The following DAGLA variants were observed in gnomAD, a reference collection of about 807,000 sequenced individuals.
DAGLA encodes the protein diacylglycerol lipase alpha.
In DAGLA, 22 loss-of-function variants were observed where a neutral mutation model predicts 102.6. The observed-to-expected ratio is 0.21, with a 90% CI of 0.15 to 0.31. The LOEUF is 0.31. Among genes scored for constraint, DAGLA ranks in the 10% least tolerant of loss-of-function variants. The pLI is 1.00. For synonymous variants in DAGLA, 578 were observed against 628.9 expected, an observed-to-expected ratio of 0.92 and a Z score of 1.21; for missense variants, 927 against 1,446.6, an observed-to-expected ratio of 0.64 and a Z score of 5.83.
intron 1 of DAGLA, among the ~76,000 whole-genome samples, chr11:61,704,825 G>C (rs779323786): frequency 6.6e-6 from 1 of 152,140 alleles, no homozygotes; most frequent in Admixed American, 6.5e-5. Flanking sequence ...GCTCCTCTGC[G>C]TAGTCCTATT....
intron 1 of DAGLA, among the ~76,000 whole-genome samples, chr11:61,700,087 G>A (rs1379864383): frequency 6.6e-6 from 1 of 152,182 alleles, no homozygotes; most frequent in Non-Finnish European, 1.5e-5. Context: ...GCAGTGCCTG[G>A]GCCTGGCATG....
intron 10 of DAGLA, 137 bp downstream of exon 10, chr11:61,735,139 C>A: frequency 2.0e-6 from 2 of 1,021,642 alleles, no homozygotes; most frequent in South Asian, 1.5e-5. Context: ...GCATCCCTAG[C>A]TGGGCAGACC....
At chr11:61,728,365 A>C in intron 7 of DAGLA, 78 bp downstream of exon 7, 1 of 1,559,342 alleles carries the variant, frequency 6.4e-7, no homozygotes, top group South Asian at 1.1e-5. Context: ...TGGCCCCTGC[A>C]GCGGAGGGCT....
chr11:61,724,048 G>C (rs1221527340), intron 5 of DAGLA, among the ~76,000 whole-genome samples: 1 of 152,172 alleles, frequency 6.6e-6, no homozygotes, highest in Non-Finnish European at 1.5e-5. Context: ...GTAAGGCTGG[G>C]AACTAGCCCA....
At chr11:61,725,308 A>C (rs1455405797) in intron 5 of DAGLA, among the ~76,000 whole-genome samples, 1 of 152,170 alleles carries the variant, frequency 6.6e-6, no homozygotes, top group Non-Finnish European at 1.5e-5. Context: ...AGACTCCTGG[A>C]GACCCTGATT....
chr11:61,720,060 C>G, intron 1 of DAGLA, 52 bp from the exon 2 acceptor site: 1 of 1,292,302 alleles, frequency 7.7e-7, no homozygotes, highest in Non-Finnish European at 1.1e-6. Flanking sequence ...TGCAGTGGCC[C>G]TGGGTGCCTT....
intron 4 of DAGLA, 116 bp downstream of exon 4, chr11:61,723,076 C>T: frequency 1.1e-6 from 1 of 871,914 alleles, no homozygotes; most frequent in Non-Finnish European, 1.8e-6. Flanking sequence ...TCTGTGGGGG[C>T]ACCAGCAGGT....
intron 1 of DAGLA, among the ~76,000 whole-genome samples, chr11:61,713,800 G>A (rs976861847): frequency 2.6e-5 from 4 of 152,258 alleles, no homozygotes; most frequent in East Asian, 1.9e-4. Flanking sequence ...GCTGAGTCCC[G>A]CAGATCAGAT....
chr11:61,722,999 CG>C, intron 4 of DAGLA, 39 bp downstream of exon 4: 4 of 1,506,454 alleles, frequency 2.7e-6, no homozygotes, highest in South Asian at 1.1e-5. Flanking sequence ...TCAGCAGCCC[CG>C]GGGGCACAGG....
At chr11:61,687,960 C>T (rs1389551347) in intron 1 of DAGLA, among the ~76,000 whole-genome samples, 1 of 152,130 alleles carries the variant, frequency 6.6e-6, no homozygotes, top group Non-Finnish European at 1.5e-5. Flanking sequence ...TGTCCTGTCT[C>T]CCTCACTGTT....
Position 61,722,900 on chromosome 11 carries a change from G to T in DAGLA, c.349G>T (p.Val117Phe), listed in dbSNP as rs187678839. The stretch of plus-strand genomic sequence containing the variant: ...GTTCATCTACGCCATCGTGGGCATC[G>T]TCTGGCTCACTCAGTACTACACCTC... Reference protein sequence around the residue: ...IEFIYAIVGIVWLTQYYTSCN... With the variant: ...IEFIYAIVGIFWLTQYYTSCN... Residue 117 changes from valine to phenylalanine, a missense_variant, in exon 4 of 20, where the codon GTC (valine) becomes TTC (phenylalanine). Val to Phe is a conservative substitution (Grantham distance 50). Transcript: ENST00000257215. 2 of 1,614,008 alleles carry T rather than the reference G, an allele frequency of 1.2e-6. No individual in the cohort carries two copies.
rs767125718 is a variant in DAGLA at position 61,740,455 on chromosome 11, C to T, written c.1854-8C>T. The T allele has an allele frequency of 7.2e-5, 116 of 1,613,034 alleles. No individual in the cohort carries two copies. Among genetic ancestry groups the T allele is most frequent in the Middle Eastern group, 1.6e-4 (1 of 6,066 alleles). On this transcript the variant is annotated splice_region_variant and splice_polypyrimidine_tract_variant and intron_variant, in intron 17 of 19. Transcript: ENST00000257215. Reference sequence around the variant, plus strand: ...CCCTTAACTCCCCTCTGTCCATGTCCCTCTCAGCTGCTGTGAGCAGGAGGA... The same window carrying T: ...CCCTTAACTCCCCTCTGTCCATGTCTCTCTCAGCTGCTGTGAGCAGGAGGA...
intron 10 of DAGLA, among the ~76,000 whole-genome samples, 163 bp downstream of exon 10, chr11:61,735,165 C>A (rs1460828891): frequency 6.6e-6 from 1 of 152,202 alleles, no homozygotes; most frequent in African/African-American, 2.4e-5. Flanking sequence ...TGGCCCCCTT[C>A]TCTTCCCCAG....
At chr11:61,742,578 G>A (rs1454185844) in intron 19 of DAGLA, among the ~76,000 whole-genome samples, 3 of 152,212 alleles carry the variant, frequency 2.0e-5, no homozygotes, top group Non-Finnish European at 2.9e-5. Flanking sequence ...CGGAGCCAGG[G>A]GCACTAGGCT....
At chr11:61,681,371 TAGAG>T (rs939044566) in intron 1 of DAGLA, among the ~76,000 whole-genome samples, 17 of 152,042 alleles carry the variant, frequency 1.1e-4, no homozygotes, top group African/African-American at 4.1e-4. Flanking sequence ...TGGGCTAAGG[TAGAG>T]AGAACCATTC....
chr11:61,694,385 G>A (rs1005220182), intron 1 of DAGLA, among the ~76,000 whole-genome samples: 3 of 152,240 alleles, frequency 2.0e-5, no homozygotes, highest in East Asian at 1.9e-4. Context: ...GCTTGAGCAA[G>A]GCCACTGCTG....
intron 1 of DAGLA, among the ~76,000 whole-genome samples, chr11:61,695,859 G>T (rs2065060379): frequency 6.6e-6 from 1 of 152,162 alleles, no homozygotes; most frequent in African/African-American, 2.4e-5. Flanking sequence ...ATGAGGTAGG[G>T]TGTGCATCCC....
At chr11:61,706,290 G>C (rs2065148621) in intron 1 of DAGLA, among the ~76,000 whole-genome samples, 1 of 152,350 alleles carries the variant, frequency 6.6e-6, no homozygotes, top group South Asian at 2.1e-4. Context: ...GGGCATGGAG[G>C]AGAATGAATG....
rs959086227 is a variant in DAGLA, at chr11:61,744,159, C to T, written c.2799C>T (p.Leu933=). ...LDSKSSSFQD[L]YCMVVPESPT... Reference sequence around the variant, plus strand: ...GCAAGAGCAGCTCCTTCCAAGACCTCTACTGCATGGTGGTGCCCGAGAGCC... The same window carrying T: ...GCAAGAGCAGCTCCTTCCAAGACCTTTACTGCATGGTGGTGCCCGAGAGCC... The change falls in exon 20 of 20, where the codon CTC becomes CTT. Residue 933 remains leucine (L), a synonymous_variant. Transcript: ENST00000257215. 5 of 1,613,088 alleles carry T rather than the reference C, an allele frequency of 3.1e-6. No homozygotes were observed. Among genetic ancestry groups the T allele is most frequent in the Non-Finnish European group, 4.2e-6 (5 of 1,179,992 alleles).
Sources: gnomAD v4.1 joint callset for allele counts (sites outside exome capture counted in the v4.1 genomes callset) on GRCh38, gnomAD v4.1.1 for gene constraint, MANE v1.5 for transcripts, NCBI Gene and HGNC (gene_info 2026-07-23, HGNC 2026-07-21) for gene names.